DPH6: variants seen among roughly 807,000 people sequenced by gnomAD.
DPH6 encodes diphthamine biosynthesis 6.
A neutral mutation model predicts 38.2 loss-of-function variants in DPH6; 33 were observed. That is an observed-to-expected ratio of 0.86 (90% CI 0.65 to 1.15). DPH6 has a LOEUF of 1.15. Among genes scored for constraint, DPH6 ranks in the 50% most tolerant of loss-of-function variants. The pLI is 0.00. For synonymous variants in DPH6, 108 were observed against 103.0 expected (o/e 1.05, Z -0.30); for missense variants, 325 against 320.0 (o/e 1.02, Z -0.12).
At chr15:35,355,750 C>T (rs1047498357) in intron 3 of DPH6, among the ~76,000 whole-genome samples, 9 of 152,086 alleles carry the variant, frequency 5.9e-5, no homozygotes, top group South Asian at 2.1e-4. Flanking sequence ...GTGAGTCTGA[C>T]GATTATGTGT....
intron 5 of DPH6, among the ~76,000 whole-genome samples, chr15:35,420,979 T>C (rs1367944468): frequency 6.6e-6 from 1 of 152,110 alleles, no homozygotes; most frequent in Non-Finnish European, 1.5e-5. Flanking sequence ...TATAAACAAC[T>C]GTATTATTAA....
At chr15:35,198,896 TA>T in the DPH6 span, among the ~76,000 whole-genome samples, 1 of 152,068 alleles carries the variant, frequency 6.6e-6, no homozygotes, top group African/African-American at 2.4e-5. Context: ...AGGAATCATT[TA>T]AAAAATAATT....
the DPH6 span, among the ~76,000 whole-genome samples, chr15:35,163,944 C>T: frequency 1.3e-4 from 20 of 151,904 alleles, no homozygotes; most frequent in Non-Finnish European, 2.2e-4. Flanking sequence ...CTATACTAAA[C>T]GCTCAAATGC....
intron 4 of DPH6, among the ~76,000 whole-genome samples, chr15:35,452,985 T>C (rs1345714758): frequency 6.6e-6 from 1 of 152,150 alleles, no homozygotes; most frequent in African/African-American, 2.4e-5. Context: ...AAAATAAATC[T>C]TAGTTTAAAA....
intron 1 of DPH6, 129 bp from the exon 2 acceptor site, chr15:35,542,636 C>T (rs186421013): frequency 3.4e-6 from 3 of 875,260 alleles, no homozygotes; most frequent in Non-Finnish European, 3.3e-6. Context: ...GCAAAAAAAA[C>T]CCATTAATTT....
intron 3 of DPH6, among the ~76,000 whole-genome samples, chr15:35,317,970 ATTAAC>A (rs2052207946): frequency 6.6e-6 from 1 of 152,076 alleles, no homozygotes; most frequent in Non-Finnish European, 1.5e-5. Flanking sequence ...AGAATGCCTA[ATTAAC>A]TTAAATATTG....
intron 3 of DPH6, among the ~76,000 whole-genome samples, chr15:35,507,285 T>A (rs78523769): frequency 0.051 from 7,718 of 152,118 alleles, 218 homozygotes; most frequent in East Asian, 0.12. Context: ...ATGTTAAAAG[T>A]ATTTTTTAAG....
intron 3 of DPH6, among the ~76,000 whole-genome samples, chr15:35,244,465 C>T (rs2140403905): frequency 6.6e-6 from 1 of 152,338 alleles, no homozygotes; most frequent in Middle Eastern, 3.4e-3. Flanking sequence ...GATGTGCTCG[C>T]TCTTTCACGA....
intron 5 of DPH6, among the ~76,000 whole-genome samples, chr15:35,417,394 G>A (rs954459791): frequency 1.3e-5 from 2 of 151,336 alleles, no homozygotes; most frequent in Middle Eastern, 3.2e-3. Context: ...AACACACAAA[G>A]ATTTCTGAAT....
chr15:35,240,209 G>A lies in DPH6; in HGVS notation n.201-19627C>T, dbSNP rs992559137. On this transcript the variant is annotated intron_variant and non_coding_transcript_variant, in intron 3 of 3. Transcript: ENST00000560386. ...CAGTAGTTCCAAATAGCCAGAAAAC[G>A]GCACTTTCAATTTTTCCATCCTACA... 4.9e-5 allele frequency among the ~76,000 whole-genome samples: 7 copies of A among 142,892 alleles called. 1 individual carries two copies. Among genetic ancestry groups the A allele is most frequent in the Non-Finnish European group, 7.7e-5 (5 of 65,308 alleles). The allele number at this position is 142,892 out of a possible 152,430, so 93.7% of individuals were successfully genotyped here. A position where few individuals can be genotyped will look rare whatever the true frequency, so the allele number is the denominator to read the frequency against.
At chr15:35,256,351 G>C (rs1228757225) in intron 3 of DPH6, among the ~76,000 whole-genome samples, 1 of 152,022 alleles carries the variant, frequency 6.6e-6, no homozygotes, top group Non-Finnish European at 1.5e-5. Context: ...TGACAGTTTT[G>C]TAGTACTAGT....
intron 5 of DPH6, 56 bp from the exon 6 acceptor site, chr15:35,410,952 C>A: frequency 6.6e-7 from 1 of 1,507,698 alleles, no homozygotes; most frequent in South Asian, 1.2e-5. Context: ...ACTTTAAAGA[C>A]ACATTCCCCT....
intron 3 of DPH6, among the ~76,000 whole-genome samples, chr15:35,358,145 C>A (rs2052583065): frequency 6.6e-6 from 1 of 152,072 alleles, no homozygotes. Flanking sequence ...CTCTGAATTT[C>A]TTTCTTCTAC....
At chr15:35,452,153 A>T (rs1027111702) in intron 4 of DPH6, among the ~76,000 whole-genome samples, 94 of 53,330 alleles carry the variant, frequency 1.8e-3, no homozygotes, top group Non-Finnish European at 3.4e-3. Flanking sequence ...TTCTCTTCTC[A>T]CTCCATCCTA....
chr15:35,299,147 A>G (rs2052036181), intron 3 of DPH6: 17 of 1,239,116 alleles, frequency 1.4e-5, no homozygotes, highest in Non-Finnish European at 1.2e-6. Context: ...ACATAGGATC[A>G]TATTCGTCAG....
the DPH6 span, among the ~76,000 whole-genome samples, chr15:35,184,412 C>A: frequency 6.6e-6 from 1 of 152,154 alleles, no homozygotes; most frequent in Admixed American, 6.5e-5. Flanking sequence ...ATAATCCTCC[C>A]ACTGAAAAGT....
chr15:35,344,645 T>C (rs1213651026), intron 3 of DPH6, among the ~76,000 whole-genome samples: 1 of 151,928 alleles, frequency 6.6e-6, no homozygotes, highest in Non-Finnish European at 1.5e-5. Context: ...TAATACATTG[T>C]ATTTCCATGT....
intron 3 of DPH6, among the ~76,000 whole-genome samples, chr15:35,484,815 T>C (rs572362182): frequency 3.9e-5 from 6 of 152,344 alleles, no homozygotes; most frequent in Non-Finnish European, 7.4e-5. Flanking sequence ...CTATCACAAT[T>C]GGATTAGTTA....
At chr15:35,273,086 G>C (rs1288298241) in intron 3 of DPH6, among the ~76,000 whole-genome samples, 1 of 151,866 alleles carries the variant, frequency 6.6e-6, no homozygotes, top group Non-Finnish European at 1.5e-5. Flanking sequence ...AGAACCAAGA[G>C]CCAATTAAAC....
Sources: gnomAD v4.1 joint callset for allele counts (sites outside exome capture counted in the v4.1 genomes callset) on GRCh38, gnomAD v4.1.1 for gene constraint, MANE v1.5 for transcripts, NCBI Gene and HGNC (gene_info 2026-07-23, HGNC 2026-07-21) for gene names.